ASTN2: variants seen among roughly 807,000 people sequenced by gnomAD.
ASTN2 encodes the protein astrotactin 2, also known as astrotactin-2.
Under a neutral mutation model 139.8 loss-of-function variants are expected in ASTN2, and 54 were observed. The observed-to-expected ratio is 0.39, with a 90% confidence interval of 0.31 to 0.48. The LOEUF is 0.48. ASTN2 is among the 20% of genes least tolerant of loss of function. ASTN2 has a pLI of 0.95. For synonymous variants in ASTN2, 756 were observed against 719.5 expected (o/e 1.05, Z -0.81); for missense variants, 1,565 against 1,725.1 (o/e 0.91, Z 1.64).
intron 10 of ASTN2, among the ~76,000 whole-genome samples, chr9:116,890,274 C>A (rs559528824): frequency 6.6e-6 from 1 of 152,192 alleles, no homozygotes; most frequent in Non-Finnish European, 1.5e-5. Flanking sequence ...TTTGGGGATT[C>A]ATCTGGCCAT....
At chr9:116,938,148 C>G (rs1835127972) in intron 10 of ASTN2, among the ~76,000 whole-genome samples, 1 of 152,150 alleles carries the variant, frequency 6.6e-6, no homozygotes, top group African/African-American at 2.4e-5. Context: ...ACTATACTAC[C>G]TTACTTCACC....
rs750484673 is a variant in ASTN2 at position 117,039,941 on chromosome 9, T to C, written c.1301A>G (p.Lys434Arg). Residue 434 changes from lysine to arginine, a missense_variant, in exon 6 of 23, where the codon AAG becomes AGG. By Grantham distance (26) the Lys-to-Arg change is conservative (BLOSUM62 2). Around this residue, in one of 4 missense-constraint regions of ASTN2, gnomAD observed 503 missense variants for 591.7 expected, o/e 0.85. Coordinates refer to ENST00000313400, the MANE Select transcript of ASTN2 (RefSeq NM_001365068.1). The part of the protein sequence containing the change: ...SKGLLKSPVN[K>R]TALTLIAVSS... ...CACAGCAATCAGTGTCAGGGCTGTCTTGTTCACTGGGCTTTTCAGCAAACC... is the reference window on the plus strand; with the variant it reads ...CACAGCAATCAGTGTCAGGGCTGTCCTGTTCACTGGGCTTTTCAGCAAACC... 4 of 1,613,002 alleles carry C rather than the reference T, an allele frequency of 2.5e-6. No individual in the cohort carries two copies. In the South Asian group the frequency reaches 4.4e-5, roughly 18 times the overall value.
chr9:117,393,414 A>G (rs564350204), intron 1 of ASTN2, among the ~76,000 whole-genome samples: 2 of 152,302 alleles, frequency 1.3e-5, no homozygotes, highest in Admixed American at 1.3e-4. Context: ...AGAGACATTA[A>G]AAGTAAATAG....
chr9:116,465,499 G>T (rs1325051280), intron 20 of ASTN2, among the ~76,000 whole-genome samples: 3 of 152,148 alleles, frequency 2.0e-5, no homozygotes, highest in Non-Finnish European at 2.9e-5. Context: ...TTTTCTTACA[G>T]GTATTGATTG....
At chr9:116,778,098 G>T (rs1347195293) in intron 13 of ASTN2, among the ~76,000 whole-genome samples, 2 of 152,018 alleles carry the variant, frequency 1.3e-5, no homozygotes, top group African/African-American at 4.8e-5. Flanking sequence ...ACCCACCTTG[G>T]CCTCCCAAAG....
At position 116,888,004 on chromosome 9, in the gene ASTN2, G is replaced by A. The variant is rs148738207; in HGVS notation, c.1890-24271C>T. Among the ~76,000 whole-genome samples the A allele has an allele frequency of 1.8e-3, 280 of 152,218 alleles. 1 individual carries two copies. The highest frequency in any genetic ancestry group is 6.3e-3 in the African/African-American group (262 of 41,534). On this transcript the variant is annotated intron_variant, in intron 10 of 22. Coordinates refer to ENST00000313400, the MANE Select transcript of ASTN2 (RefSeq NM_001365068.1). Reference sequence around the variant, plus strand: ...TACATCTTAAAGGATAAATCTGATCGATTCATTCAGGTAAAATTTCGTATT... The same window carrying A: ...TACATCTTAAAGGATAAATCTGATCAATTCATTCAGGTAAAATTTCGTATT...
chr9:116,655,484 T>C (rs1588147379), intron 16 of ASTN2, among the ~76,000 whole-genome samples: 1 of 152,308 alleles, frequency 6.6e-6, no homozygotes, highest in South Asian at 2.1e-4. Context: ...TTCCTCTTAG[T>C]TCAGCTACAA....
At chr9:116,665,659 G>GT (rs1244650879) in intron 16 of ASTN2, among the ~76,000 whole-genome samples, 1 of 152,084 alleles carries the variant, frequency 6.6e-6, no homozygotes, top group Non-Finnish European at 1.5e-5. Flanking sequence ...ATGTTTTGTT[G>GT]TAACAAAAAA....
At chr9:116,848,961 T>A (rs1832516279) in intron 11 of ASTN2, among the ~76,000 whole-genome samples, 1 of 152,194 alleles carries the variant, frequency 6.6e-6, no homozygotes, top group African/African-American at 2.4e-5. Flanking sequence ...TGACCAGCTA[T>A]AAATCAGGGT....
At chr9:116,970,002 C>T (rs1490565046) in intron 10 of ASTN2, among the ~76,000 whole-genome samples, 1 of 152,176 alleles carries the variant, frequency 6.6e-6, no homozygotes, top group East Asian at 1.9e-4. Flanking sequence ...TTTTCTTTGC[C>T]TCTTTCAGCT....
At chr9:116,462,635 C>T (rs1366698785) in intron 20 of ASTN2, among the ~76,000 whole-genome samples, 8 of 152,074 alleles carry the variant, frequency 5.3e-5, no homozygotes, top group East Asian at 1.9e-4. Flanking sequence ...CTCTTCAAGC[C>T]GATAAGCTCA....
chr9:117,390,049 G>A (rs1307535293), intron 1 of ASTN2, among the ~76,000 whole-genome samples: 3 of 152,094 alleles, frequency 2.0e-5, no homozygotes, highest in Non-Finnish European at 4.4e-5. Flanking sequence ...TTGGCACTTT[G>A]GAATCACCTA....
At chr9:116,837,938 G>A (rs1218737025) in intron 11 of ASTN2, among the ~76,000 whole-genome samples, 1 of 152,124 alleles carries the variant, frequency 6.6e-6, no homozygotes, top group Non-Finnish European at 1.5e-5. Flanking sequence ...GACACCTTGA[G>A]CTAGTCCCTT....
intron 4 of ASTN2, among the ~76,000 whole-genome samples, chr9:117,104,243 A>G (rs1010740219): frequency 1.3e-5 from 2 of 152,232 alleles, no homozygotes; most frequent in Non-Finnish European, 1.5e-5. Flanking sequence ...GGGAAAGAAT[A>G]AGAAATAACT....
chr9:116,582,686 T>C (rs1412001484), intron 19 of ASTN2: 2 of 152,234 alleles, frequency 1.3e-5, no homozygotes, highest in Non-Finnish European at 2.9e-5. Flanking sequence ...TAAACACCAG[T>C]AAGCATGAGA....
chr9:116,618,325 T>C lies in ASTN2; in HGVS notation c.3354A>G (p.Thr1118=). 1 of 1,613,168 alleles carries C rather than the reference T, an allele frequency of 6.2e-7. No homozygotes were observed. Among genetic ancestry groups the C allele is most frequent in the Middle Eastern group, 1.7e-4 (1 of 6,046 alleles). The change falls in exon 19 of 23, where the codon ACA becomes ACG. Residue 1118 remains threonine, a splice_region_variant and synonymous_variant. Coordinates refer to ENST00000313400, the MANE Select transcript of ASTN2 (RefSeq NM_001365068.1). ...VDEYTDTDLY[T]GEFLSFADDL... ...GAAAATGGGAACTCATGTACCTACC[T>C]GTGTACAGGTCAGTGTCTGTGTATT... is the stretch of plus-strand genomic sequence containing the variant.
chr9:116,653,127 T>C (rs1047429244), intron 16 of ASTN2, among the ~76,000 whole-genome samples: 5 of 152,232 alleles, frequency 3.3e-5, no homozygotes, highest in Non-Finnish European at 7.3e-5. Context: ...CTCCCATTCC[T>C]ACCCACTTTC....
At chr9:117,062,435 T>A (rs964259334) in intron 5 of ASTN2, among the ~76,000 whole-genome samples, 2 of 152,194 alleles carry the variant, frequency 1.3e-5, no homozygotes, top group Non-Finnish European at 2.9e-5. Flanking sequence ...TGAGACATGT[T>A]AAAAATACAG....
At chr9:117,328,335 A>G (rs1828588600) in intron 1 of ASTN2, among the ~76,000 whole-genome samples, 1 of 152,176 alleles carries the variant, frequency 6.6e-6, no homozygotes, top group African/African-American at 2.4e-5. Context: ...CTCTCAGCCT[A>G]GGAGGATAGA....
Sources: allele counts gnomAD v4.1 joint callset (sites outside exome capture counted in the v4.1 genomes callset), GRCh38; gene constraint gnomAD v4.1.1; regional missense constraint gnomAD v4.1.1; transcripts MANE v1.5; gene names NCBI Gene and HGNC (gene_info 2026-07-23, HGNC 2026-07-21).